VWF: variants seen among roughly 807,000 people sequenced by gnomAD.
VWF encodes the protein Factor VIII related antigen.
VWF carries 176 observed loss-of-function variants against 308.6 expected under a neutral mutation model. That is an observed-to-expected ratio of 0.57 (90% CI 0.50 to 0.65). The LOEUF (loss-of-function observed/expected upper bound fraction) is 0.65. VWF is among the 30% of genes least tolerant of loss of function. The pLI is 0.00. For missense variants in VWF, 3,146 were observed against 3,648.2 expected, an observed-to-expected ratio of 0.86 and a Z score of 3.55; for synonymous variants, 1,385 against 1,443.4, an observed-to-expected ratio of 0.96 and a Z score of 0.92.
At chr12:6,059,671 A>C (rs1591891896) in intron 13 of VWF, among the ~76,000 whole-genome samples, 1 of 152,004 alleles carries the variant, frequency 6.6e-6, no homozygotes, top group East Asian at 1.9e-4. Context: ...ATTCTTCATC[A>C]TCTCCCAAAG....
chr12:6,091,825 G>A (rs1432633736), intron 6 of VWF, among the ~76,000 whole-genome samples: 4 of 152,214 alleles, frequency 2.6e-5, no homozygotes, highest in Non-Finnish European at 5.9e-5. Context: ...AATGTGACCC[G>A]AACAGGAAAG....
Position 5,994,627 on chromosome 12 carries a change from C to T in VWF, c.6064-20G>A, listed in dbSNP as rs556119499. ...CGTCACCTGCACAAAGAAGAAAGAG[C>T]TCATCCGTAGTCCTAGCAATGAGGA... On this transcript the variant is annotated intron_variant, in intron 35 of 51. Transcript: ENST00000261405. 1.2e-6 allele frequency: 2 copies of T among 1,613,038 alleles called. No homozygotes were observed. Among genetic ancestry groups the T allele is most frequent in the African/African-American group, 1.3e-5 (1 of 75,036 alleles).
intron 6 of VWF, among the ~76,000 whole-genome samples, chr12:6,086,498 C>G (rs1174652614): frequency 6.6e-6 from 1 of 152,118 alleles, no homozygotes; most frequent in Non-Finnish European, 1.5e-5. Context: ...CAGGCTCTCC[C>G]CTGACAACTG....
intron 6 of VWF, among the ~76,000 whole-genome samples, chr12:6,081,394 T>C (rs1051409138): frequency 6.6e-6 from 1 of 152,038 alleles, no homozygotes; most frequent in Admixed American, 6.5e-5. Flanking sequence ...GGCTGGAGTA[T>C]AGTGGCACGA....
chr12:5,990,862 T>A (rs216892), intron 38 of VWF, among the ~76,000 whole-genome samples: 58,883 of 97,000 alleles, frequency 0.61, 15,662 homozygotes, highest in East Asian at 0.79. Context: ...ATAACTCCCA[T>A]AGAGCTAAAA....
intron 36 of VWF, 21 bp downstream of exon 36, chr12:5,994,394 G>A: frequency 1.2e-6 from 2 of 1,613,586 alleles, no homozygotes; most frequent in South Asian, 1.1e-5. Flanking sequence ...GGGAGAAGAG[G>A]AGTTGAGAAA....
intron 6 of VWF, among the ~76,000 whole-genome samples, chr12:6,085,548 G>C (rs1482208666): frequency 1.3e-5 from 2 of 152,156 alleles, no homozygotes; most frequent in Non-Finnish European, 2.9e-5. Context: ...TTCGTTAAAG[G>C]ATTTTGGGAA....
At position 6,024,172 on chromosome 12, in the gene VWF, G is replaced by C. The variant is rs548612581; in HGVS notation, c.3223-385C>G. Among the ~76,000 whole-genome samples the C allele has an allele frequency of 2.0e-4, 31 of 152,154 alleles. No individual in the cohort carries two copies. Among genetic ancestry groups the C allele is most frequent in the African/African-American group, 7.5e-4 (31 of 41,434 alleles). On this transcript the variant is annotated intron_variant, in intron 24 of 51. Coordinates refer to ENST00000261405, the MANE Select transcript of VWF (RefSeq NM_000552.5). The surrounding 1 kb of genome is among the most constrained non-coding windows in gnomAD (Gnocchi z 4.0). The stretch of plus-strand genomic sequence containing the variant: ...AAAAACACAAACACACATATGTGCT[G>C]GTCACTGTCTTTCTTTGCCTCAATT...
intron 4 of VWF, 49 bp downstream of exon 4, chr12:6,110,817 T>A (rs1406104139): frequency 6.4e-7 from 1 of 1,572,524 alleles, no homozygotes; most frequent in Non-Finnish European, 8.8e-7. Flanking sequence ...GAGGGGGTTG[T>A]GTCAGGGGAT....
rs375939023 is a variant in VWF, at chr12:6,067,991, C to T, written c.1157-2718G>A. ...TCTACTAAAAATACAAAAAATTAGC[C>T]GGGTGTGGTGGCAGGTGCCTGTAAT... On this transcript the variant is annotated intron_variant, in intron 10 of 51. Coordinates refer to ENST00000261405, the MANE Select transcript of VWF (RefSeq NM_000552.5). 2.0e-4 allele frequency among the ~76,000 whole-genome samples: 31 copies of T among 151,862 alleles called. No homozygotes were observed. In the South Asian group the frequency reaches 5.6e-3, roughly 28 times the overall value.
chr12:5,976,038 C>T lies in VWF; in HGVS notation c.7437+73G>A, dbSNP rs944796691. The T allele has an allele frequency of 5.0e-6, 8 of 1,598,568 alleles. No homozygotes were observed. The African/African-American group carries it at 1.1e-4, about 21-fold the overall frequency. On this transcript the variant is annotated intron_variant, in intron 43 of 51. Coordinates refer to ENST00000261405, the MANE Select transcript of VWF (RefSeq NM_000552.5). ...TTCAAAAAAAAAAGAACCTTTCTTA[C>T]CCTTCCTAAGATGCCCTCCTCTACT... is the stretch of plus-strand genomic sequence containing the variant.
intron 42 of VWF, among the ~76,000 whole-genome samples, chr12:5,978,696 A>T (rs895015137): frequency 2.0e-5 from 3 of 152,262 alleles, no homozygotes; most frequent in Non-Finnish European, 2.9e-5. Context: ...CAGAAATACC[A>T]CTACAAATTT....
chr12:6,074,520 G>A (rs985480794), intron 7 of VWF, among the ~76,000 whole-genome samples: 2 of 145,168 alleles, frequency 1.4e-5, no homozygotes, highest in South Asian at 2.2e-4. Flanking sequence ...ACAGCCACTC[G>A]GCTTTACAGA....
rs1268359820 is a variant in VWF at position 5,949,210 on chromosome 12, G to C, written c.8254-7C>G. On this transcript the variant is annotated splice_polypyrimidine_tract_variant and splice_region_variant and intron_variant, in intron 51 of 51. Transcript: ENST00000261405. ...CTTTGCTGGCACATTTGCCCTGCAA[G>C]AAAGCAGAGGAAGATGGGAGCTTCA... 5.0e-6 allele frequency: 8 copies of C among 1,613,192 alleles called. No individual in the cohort carries two copies. The highest frequency in any genetic ancestry group is 6.8e-6 in the Non-Finnish European group (8 of 1,179,960).
Position 6,034,775 on chromosome 12 carries a change from C to G in VWF, c.2598G>C (p.Thr866=). The G allele has an allele frequency of 6.2e-7, 1 of 1,614,232 alleles. No individual in the cohort carries two copies. ...AGTGGGCCATGCCGATCGTGGAGCA[C>G]GTGGCATCACACACATGGTCTGTGC... ...WNCTDHVCDA[T]CSTIGMAHYL... The change falls in exon 20 of 52, where the codon ACG becomes ACC. Residue 866 remains threonine, a synonymous_variant. Coordinates refer to ENST00000261405, the MANE Select transcript of VWF (RefSeq NM_000552.5).
chr12:6,004,233 T>C (rs1327273440), intron 34 of VWF, among the ~76,000 whole-genome samples: 4 of 152,088 alleles, frequency 2.6e-5, no homozygotes, highest in Non-Finnish European at 5.9e-5. Flanking sequence ...CACCACATTA[T>C]GAAAATAACA....
At chr12:6,087,616 C>T (rs1047179130) in intron 6 of VWF, among the ~76,000 whole-genome samples, 4 of 151,530 alleles carry the variant, frequency 2.6e-5, no homozygotes, top group Admixed American at 6.6e-5. Flanking sequence ...CCGCCCGCCT[C>T]GGCCTCCCAA....
At chr12:6,005,591 A>G (rs1943916234) in intron 34 of VWF, among the ~76,000 whole-genome samples, 1 of 152,244 alleles carries the variant, frequency 6.6e-6, no homozygotes, top group Non-Finnish European at 1.5e-5. Flanking sequence ...GTCAAAAGTC[A>G]AAGACAAAAA....
chr12:5,999,402 A>C (rs1943847207), intron 34 of VWF, among the ~76,000 whole-genome samples: 1 of 151,762 alleles, frequency 6.6e-6, no homozygotes, highest in South Asian at 2.1e-4. Context: ...GCAAACGGGA[A>C]AGTCAGGGTC....
Sources: gnomAD v4.1 joint callset for allele counts (sites outside exome capture counted in the v4.1 genomes callset) on GRCh38, gnomAD v4.1.1 for gene constraint, Gnocchi (gnomAD v3.1) non-coding constraint, MANE v1.5 for transcripts, NCBI Gene and HGNC (gene_info 2026-07-23, HGNC 2026-07-21) for gene names.